The following SPI1 variants were observed in gnomAD, a reference collection of about 807,000 sequenced individuals.
The protein encoded by SPI1 is transcription factor PU.1.
SPI1 carries 3 observed loss-of-function variants against 30.7 expected under a neutral mutation model. The observed-to-expected ratio is 0.10, with a 90% CI of 0.04 to 0.25. The LOEUF is 0.25. Among genes scored for constraint, SPI1 ranks in the 10% least tolerant of loss-of-function variants. SPI1 has a pLI of 1.00. For synonymous variants in SPI1, 169 were observed against 157.1 expected (o/e 1.08, Z -0.56); for missense variants, 261 against 371.5 (o/e 0.70, Z 2.45).
intron 4 of SPI1, among the ~76,000 whole-genome samples, chr11:47,357,171 T>C (rs866312467): frequency 9.6e-5 from 14 of 146,262 alleles, no homozygotes; most frequent in South Asian, 4.3e-4. Context: ...CATGCTCACA[T>C]CTCACACCCA....
chr11:47,374,891 C>A lies in SPI1; in HGVS notation c.142+742G>T, dbSNP rs2095940344. ...AAGGACACCCTGGCCCAGGCCTCTT[C>A]CTCCCACTTCAGCAAACTGGGGGCC... On this transcript the variant is annotated intron_variant, in intron 2 of 4. Transcript: ENST00000378538. This position sits in a 1 kb window ranked among gnomAD's most constrained non-coding sequence, Gnocchi z 4.5. Among the ~76,000 whole-genome samples the A allele has an allele frequency of 6.6e-6, 1 of 152,230 alleles. No individual in the cohort carries two copies. The highest frequency in any genetic ancestry group is 2.4e-5 in the African/African-American group (1 of 41,462).
chr11:47,362,451 A>G (rs1016892249), intron 2 of SPI1, among the ~76,000 whole-genome samples: 2 of 152,052 alleles, frequency 1.3e-5, no homozygotes, highest in Non-Finnish European at 2.9e-5. Flanking sequence ...ACACACTTCT[A>G]GTCCCAGCTA....
At chr11:47,356,823 TC>T (rs1171996245) in intron 4 of SPI1, among the ~76,000 whole-genome samples, 2 of 141,962 alleles carry the variant, frequency 1.4e-5, no homozygotes, top group Non-Finnish European at 3.1e-5. Context: ...CTTACACACA[TC>T]TCACGTTACT....
chr11:47,356,405 T>A (rs2095909399), intron 4 of SPI1, among the ~76,000 whole-genome samples: 1 of 139,356 alleles, frequency 7.2e-6, no homozygotes, highest in Non-Finnish European at 1.6e-5. Context: ...ACATGCACAC[T>A]CACACCCACC....
At chr11:47,373,715 C>G (rs1047022933) in intron 2 of SPI1, among the ~76,000 whole-genome samples, 2 of 151,934 alleles carry the variant, frequency 1.3e-5, no homozygotes, top group Admixed American at 6.6e-5. Context: ...GGGACAGAGC[C>G]AAGGCCGAGG....
At chr11:47,371,693 G>A (rs1266237093) in intron 2 of SPI1, among the ~76,000 whole-genome samples, 1 of 151,070 alleles carries the variant, frequency 6.6e-6, no homozygotes, top group Non-Finnish European at 1.5e-5. Flanking sequence ...GATTGTAAAT[G>A]TATTTAAATT....
intron 2 of SPI1, among the ~76,000 whole-genome samples, chr11:47,367,582 T>A (rs1372331836): frequency 1.5e-5 from 2 of 137,512 alleles, no homozygotes; most frequent in African/African-American, 2.7e-5. Context: ...CTATCGTAAA[T>A]AGCAAATCCC....
In SPI1 at chr11:47,355,152, T is replaced by G; in HGVS notation, c.*75A>C. 1.7e-6 allele frequency: 2 copies of G among 1,179,762 alleles called. No individual in the cohort carries two copies. Among genetic ancestry groups the G allele is most frequent in the Non-Finnish European group, 2.1e-6 (2 of 937,768 alleles). The allele number at this position is 1,179,762 out of a possible 1,614,324, so 73.1% of individuals were successfully genotyped here. A position where few individuals can be genotyped will look rare whatever the true frequency, so the allele number is the denominator to read the frequency against. Reference sequence around the variant, plus strand: ...CTCTGGGCCCCGGGAGCGTCCTCCCTGTGTCCGGGCCGGGCGAGGGCTTAA... The same window carrying G: ...CTCTGGGCCCCGGGAGCGTCCTCCCGGTGTCCGGGCCGGGCGAGGGCTTAA... On this transcript the variant is annotated 3_prime_UTR_variant, in exon 5 of 5. Coordinates refer to ENST00000378538, the MANE Select transcript of SPI1 (RefSeq NM_003120.3).
intron 2 of SPI1, among the ~76,000 whole-genome samples, chr11:47,370,244 A>C (rs577382111): frequency 5.1e-4 from 77 of 152,090 alleles, no homozygotes; most frequent in African/African-American, 1.7e-3. Flanking sequence ...CTCTACTAAA[A>C]ATATAAAAAT....
intron 2 of SPI1, among the ~76,000 whole-genome samples, chr11:47,367,004 G>A (rs1595860563): frequency 6.6e-6 from 1 of 152,152 alleles, no homozygotes; most frequent in Admixed American, 6.5e-5. Context: ...ATCTAGCAAT[G>A]TGCCTGGCAT....
At chr11:47,371,132 G>A (rs893042417) in intron 2 of SPI1, among the ~76,000 whole-genome samples, 1 of 151,636 alleles carries the variant, frequency 6.6e-6, no homozygotes, top group Non-Finnish European at 1.5e-5. Flanking sequence ...AGGCCAAGGC[G>A]GGTGGATCAC....
intron 2 of SPI1, among the ~76,000 whole-genome samples, chr11:47,362,732 T>G (rs988982444): frequency 1.3e-5 from 2 of 151,954 alleles, no homozygotes; most frequent in African/African-American, 4.8e-5. Flanking sequence ...TGTACCACCA[T>G]GCCCAGCTAA....
Position 47,354,892 on chromosome 11 carries a change from A to C in SPI1, c.*335T>G. The C allele has an allele frequency of 4.3e-6, 1 of 231,966 alleles. No individual in the cohort carries two copies. 14.4% of individuals were successfully genotyped at this position (231,966 alleles called of 1,614,324 possible). A position where few individuals can be genotyped will look rare whatever the true frequency, so the allele number is the denominator to read the frequency against. ...AGAATAACTTTACTTGTTTTTTGGG[A>C]GGAGGTTAATGGGTGGGAGGGGTGA... On this transcript the variant is annotated 3_prime_UTR_variant, in exon 5 of 5. Transcript: ENST00000378538.
intron 2 of SPI1, among the ~76,000 whole-genome samples, chr11:47,362,944 TA>T (rs1186115662): frequency 1.6e-4 from 23 of 146,142 alleles, no homozygotes; most frequent in Non-Finnish European, 1.4e-4. Context: ...TTTTTTTAAC[TA>T]AAAAAAAAAG....
rs2095917244 is a variant in SPI1, at chr11:47,359,368, C to G, written c.331-362G>C. Among the ~76,000 whole-genome samples, 2 of 152,128 alleles carry G rather than the reference C, an allele frequency of 1.3e-5. No individual in the cohort carries two copies. The highest frequency in any genetic ancestry group is 1.3e-4 in the Admixed American group (2 of 15,292). ...CATGCTAGGGACCGGTGCGTTGGGTCTGGAAGGGGGTTTCATAGGTGGGAT... is the reference window on the plus strand; with the variant it reads ...CATGCTAGGGACCGGTGCGTTGGGTGTGGAAGGGGGTTTCATAGGTGGGAT... On this transcript the variant is annotated intron_variant, in intron 3 of 4. Transcript: ENST00000378538. The surrounding 1 kb of genome is among the most constrained non-coding windows in gnomAD (Gnocchi z 5.1).
In SPI1 at chr11:47,367,536, A is replaced by C. The variant is rs570332713; in HGVS notation, c.143-7496T>G. On this transcript the variant is annotated intron_variant, in intron 2 of 4. Transcript: ENST00000378538. ...ACCACTGCACTCCAGTCTGGGCGAC[A>C]GAGTGAGACTCTGCCTCAAAAAAAA... Among the ~76,000 whole-genome samples, 17 of 136,812 alleles carry C rather than the reference A, an allele frequency of 1.2e-4. No individual in the cohort carries two copies. In the South Asian group the frequency reaches 4.3e-3, roughly 34 times the overall value. The allele number at this position is 136,812 out of a possible 152,430, so 89.8% of individuals were successfully genotyped here. A position where few individuals can be genotyped will look rare whatever the true frequency, so the allele number is the denominator to read the frequency against.
rs1408974731 is a variant in SPI1 at position 47,374,139 on chromosome 11, C to T, written c.142+1494G>A. Reference sequence around the variant, plus strand: ...GCGGGACCTCCTGGAGTCCTGGAACCGCTTGGGAAGGTGGGTGCGTGGTCT... The same window carrying T: ...GCGGGACCTCCTGGAGTCCTGGAACTGCTTGGGAAGGTGGGTGCGTGGTCT... On this transcript the variant is annotated intron_variant, in intron 2 of 4. Transcript: ENST00000378538. The surrounding 1 kb of genome is among the most constrained non-coding windows in gnomAD (Gnocchi z 4.5). Among the ~76,000 whole-genome samples, 4 of 152,136 alleles carry T rather than the reference C, an allele frequency of 2.6e-5. No homozygotes were observed. Among genetic ancestry groups the T allele is most frequent in the Admixed American group, 6.5e-5 (1 of 15,274 alleles).
At chr11:47,355,649 A>G in intron 4 of SPI1, 103 bp from the exon 5 acceptor site, 5 of 1,030,564 alleles carry the variant, frequency 4.9e-6, no homozygotes, top group Non-Finnish European at 6.8e-6. Flanking sequence ...GTGGCCGGGA[A>G]GGGCAGGGGA....
At chr11:47,361,249 G>A (rs1413977053) in intron 2 of SPI1, among the ~76,000 whole-genome samples, 1 of 152,206 alleles carries the variant, frequency 6.6e-6, no homozygotes, top group Non-Finnish European at 1.5e-5. Flanking sequence ...TGGCCAAGGT[G>A]TGACAGCAGA....
Sources: allele counts gnomAD v4.1 joint callset (sites outside exome capture counted in the v4.1 genomes callset), GRCh38; gene constraint gnomAD v4.1.1; non-coding constraint Gnocchi (gnomAD v3.1); transcripts MANE v1.5; gene names NCBI Gene and HGNC (gene_info 2026-07-23, HGNC 2026-07-21).